Variants in KIFC3 observed in about 807,000 individuals in gnomAD.
KIFC3 encodes kinesin family member C3.
Under a neutral mutation model 101.8 loss-of-function variants are expected in KIFC3, and 60 were observed. The ratio of observed to expected loss-of-function variants is 0.59; its 90% confidence interval spans 0.48 to 0.73. The LOEUF (loss-of-function observed/expected upper bound fraction) is 0.73, where lower values mean the gene tolerates loss of function less well. Ranked by LOEUF, KIFC3 falls within the 30% of genes least tolerant of loss-of-function variation. The probability of loss-of-function intolerance (pLI) is 0.00; values close to 1 mark genes in which losing one functional copy is unlikely to be tolerated. For missense variants in KIFC3, 966 were observed against 1,137.1 expected (o/e 0.85, Z 2.16); for synonymous variants, 476 against 482.7 (o/e 0.99, Z 0.18).
chr16:57,773,245 T>C (rs1555609929), intron 3 of KIFC3, among the ~76,000 whole-genome samples: 1 of 152,138 alleles, frequency 6.6e-6, no homozygotes, highest in African/African-American at 2.4e-5. Flanking sequence ...TTTAGGAGGT[T>C]TACACAGCTG....
At chr16:57,776,068 T>G in intron 3 of KIFC3, 1 of 985,512 alleles carries the variant, frequency 1.0e-6, no homozygotes. Context: ...TTTTCTCAGC[T>G]GTCTGCTTCC....
chr16:57,795,362 C>T (rs2054203952), intron 2 of KIFC3, among the ~76,000 whole-genome samples: 1 of 152,202 alleles, frequency 6.6e-6, no homozygotes, highest in Admixed American at 6.5e-5. Flanking sequence ...CAAAAGCCGC[C>T]CAAAGATTCT....
intron 3 of KIFC3, chr16:57,775,966 G>C: frequency 1.0e-6 from 1 of 985,506 alleles, no homozygotes; most frequent in Non-Finnish European, 1.2e-6. Flanking sequence ...AGGGAGCTGG[G>C]CCTGTCTGCC....
chr16:57,765,994 G>A (rs979303432), intron 10 of KIFC3: 1 of 213,294 alleles, frequency 4.7e-6, no homozygotes. Flanking sequence ...ACAATGAGGG[G>A]CTTGGGCCCC....
chr16:57,824,415 G>T (rs1475895630), intron 1 of KIFC3, among the ~76,000 whole-genome samples: 1 of 152,186 alleles, frequency 6.6e-6, no homozygotes, highest in Non-Finnish European at 1.5e-5. Context: ...GGGTGCAGTG[G>T]CTCACACCTG....
chr16:57,855,025 G>A (rs1232630016), intron 1 of KIFC3, among the ~76,000 whole-genome samples: 1 of 151,664 alleles, frequency 6.6e-6, no homozygotes, highest in Non-Finnish European at 1.5e-5. Flanking sequence ...TTTGAGATGA[G>A]CCTGGGCAAC....
Position 57,823,761 on chromosome 16 carries a change from T to TTGTGTGTGTGTGTGTGTGTGTGTG in KIFC3, c.109-25503_109-25480dup, listed in dbSNP as rs542476459. On this transcript the variant is annotated intron_variant, in intron 1 of 2. Coordinates refer to the KIFC3 transcript ENST00000563028. ...GTGTGCACCACCACACCCGGCTACTTTGTGTGTGTGTGTGTGTGTGTGTGT... is the reference window on the plus strand; with the variant it reads ...GTGTGCACCACCACACCCGGCTACTTTGTGTGTGTGTGTGTGTGTGTGTGTGTGTGTGTGTGTGTGTGTGTGTGT... Among the ~76,000 whole-genome samples the TTGTGTGTGTGTGTGTGTGTGTGTG allele has an allele frequency of 2.4e-4, 33 of 136,716 alleles. 1 individual carries two copies. Among genetic ancestry groups the TTGTGTGTGTGTGTGTGTGTGTGTG allele is most frequent in the Admixed American group, 3.8e-4 (5 of 13,130 alleles). The allele number at this position is 136,716 out of a possible 152,430, so 89.7% of individuals were successfully genotyped here.
intron 18 of KIFC3, 142 bp downstream of exon 18, chr16:57,759,586 G>A: frequency 1.6e-6 from 1 of 636,734 alleles, no homozygotes; most frequent in South Asian, 2.0e-5. Flanking sequence ...CCTGGGGGCA[G>A]GGGAGGTTGT....
At chr16:57,802,600 C>T (rs2054814942), upstream of KIFC3, 1 of 1,010,694 alleles carries the variant, frequency 9.9e-7, no homozygotes, top group Non-Finnish European at 1.2e-6. The surrounding 1 kb of genome is among the most constrained non-coding windows in gnomAD (Gnocchi z 5.0). Flanking sequence ...CTCACGCGCA[C>T]TGGCGCGCAC....
intron 3 of KIFC3, chr16:57,776,437 C>A (rs1265895028): frequency 2.0e-5 from 20 of 985,120 alleles, no homozygotes; most frequent in African/African-American, 7.0e-5. Flanking sequence ...GCTGACAATT[C>A]GAATTCTAAA....
intron 1 of KIFC3, among the ~76,000 whole-genome samples, chr16:57,857,824 T>TCC (rs2056206879): frequency 2.6e-5 from 1 of 38,854 alleles, no homozygotes; most frequent in Non-Finnish European, 4.1e-5. Flanking sequence ...CTTTCTTTCT[T>TCC]TTTTTTTTTT....
chr16:57,818,809 A>G (rs1555629390), intron 1 of KIFC3, among the ~76,000 whole-genome samples: 1 of 152,122 alleles, frequency 6.6e-6, no homozygotes, highest in Non-Finnish European at 1.5e-5. Flanking sequence ...TACTGATAAC[A>G]CCCACTTCAG....
intron 3 of KIFC3, among the ~76,000 whole-genome samples, chr16:57,789,360 GA>G (rs1172769921): frequency 1.3e-5 from 2 of 152,268 alleles, no homozygotes; most frequent in Non-Finnish European, 2.9e-5. Flanking sequence ...CAGGGAGAGA[GA>G]GGGGAGGCAC....
chr16:57,832,987 C>T (rs2055615368), intron 1 of KIFC3, among the ~76,000 whole-genome samples: 1 of 152,102 alleles, frequency 6.6e-6, no homozygotes, highest in Non-Finnish European at 1.5e-5. Context: ...GCAGGTGGAT[C>T]ACCTGAGGTC....
At chr16:57,795,703 C>T (rs1350857185) in intron 2 of KIFC3, among the ~76,000 whole-genome samples, 1 of 152,046 alleles carries the variant, frequency 6.6e-6, no homozygotes, top group Non-Finnish European at 1.5e-5. Context: ...GCTGTGGCAG[C>T]AATGCCCCAG....
chr16:57,809,119 A>C (rs890343166), intron 1 of KIFC3, among the ~76,000 whole-genome samples: 26 of 152,138 alleles, frequency 1.7e-4, no homozygotes, highest in Non-Finnish European at 3.5e-4. Flanking sequence ...CAAGACTCCC[A>C]TCTCTAAATT....
In KIFC3 at chr16:57,758,453, GA is replaced by G; in HGVS notation, c.*480del. ...AGCTGCGGGAACCCTCCTTGAAGGA[GA>G]GGGGCGGGGAGGGCTGCCATTGGTG... On this transcript the variant is annotated 3_prime_UTR_variant, in exon 20 of 20. Coordinates refer to ENST00000445690, the MANE Select transcript of KIFC3 (RefSeq NM_001130100.2). The G allele has an allele frequency of 2.6e-6, 1 of 383,484 alleles. No homozygotes were observed. The allele number at this position is 383,484 out of a possible 1,614,324, so 23.8% of individuals were successfully genotyped here. A position where few individuals can be genotyped will look rare whatever the true frequency, so the allele number is the denominator to read the frequency against.
At chr16:57,832,274 G>A (rs1382119339) in intron 1 of KIFC3, among the ~76,000 whole-genome samples, 2 of 148,802 alleles carry the variant, frequency 1.3e-5, no homozygotes, top group Admixed American at 1.4e-4. Flanking sequence ...TCCTGCCTTG[G>A]CCTCCCAGAG....
intron 3 of KIFC3, among the ~76,000 whole-genome samples, chr16:57,773,391 C>T (rs535639565): frequency 1.3e-5 from 2 of 152,284 alleles, no homozygotes; most frequent in East Asian, 1.9e-4. Flanking sequence ...TCTCCTCGGA[C>T]GACAGGAGGT....
Sources: gnomAD v4.1 joint callset for allele counts (sites outside exome capture counted in the v4.1 genomes callset) on GRCh38, gnomAD v4.1.1 for gene constraint, Gnocchi (gnomAD v3.1) non-coding constraint, MANE v1.5 for transcripts, NCBI Gene and HGNC (gene_info 2026-07-23, HGNC 2026-07-21) for gene names.